Variants in TEX11 observed in about 807,000 individuals in gnomAD.
TEX11 encodes testis expressed 11.
In TEX11, 7 loss-of-function variants were observed where a neutral mutation model predicts 84.4. The ratio of observed to expected loss-of-function variants is 0.08; its 90% CI spans 0.05 to 0.16. The LOEUF is 0.16. TEX11 is among the 10% of genes least tolerant of loss of function. TEX11 has a pLI of 1.00. For missense variants in TEX11, 551 were observed against 660.5 expected (o/e 0.83, Z 1.82); for synonymous variants, 264 against 222.8 (o/e 1.18, Z -1.64).
rs769618372 is a variant in TEX11, at chrX:70,694,554, G to A, written c.1005-11729C>T. Among the ~76,000 whole-genome samples, 11 of 111,915 alleles carry A rather than the reference G, an allele frequency of 9.8e-5. No individual in the cohort carries two copies. The Admixed American group carries it at 1.0e-3, about 11-fold the overall frequency. ...ATTTAAAAGGCTGACTATACCAAAT[G>A]TGGGTCAGGATGTGGAGAAACTGAA... On this transcript the variant is annotated intron_variant, in intron 13 of 29. Coordinates refer to ENST00000374333, the MANE Select transcript of TEX11 (RefSeq NM_031276.3).
At chrX:70,664,501 G>A (rs1348991558) in intron 16 of TEX11, among the ~76,000 whole-genome samples, 2 of 111,162 alleles carry the variant, frequency 1.8e-5, no homozygotes, top group Non-Finnish European at 1.9e-5. Context: ...ATTCACAAAC[G>A]TCCTCATCTA....
chrX:70,730,917 A>G (rs770051729), intron 11 of TEX11, among the ~76,000 whole-genome samples: 1 of 112,097 alleles, frequency 8.9e-6, no homozygotes, highest in South Asian at 3.7e-4. Context: ...AGCACTCCTC[A>G]GCAAATGTAA....
chrX:70,843,368 T>C (rs778289240), intron 7 of TEX11, among the ~76,000 whole-genome samples: 1 of 111,927 alleles, frequency 8.9e-6, no homozygotes, highest in African/African-American at 3.3e-5. Flanking sequence ...AAGGATTCCC[T>C]ATTTAATAAA....
chrX:70,800,933 A>G (rs2091184034), intron 9 of TEX11, among the ~76,000 whole-genome samples: 1 of 111,419 alleles, frequency 9.0e-6, no homozygotes, highest in Admixed American at 9.6e-5. Context: ...CTTTCTAAGC[A>G]GCAAATACAA....
At chrX:70,661,442 T>G (rs1344271504) in intron 16 of TEX11, among the ~76,000 whole-genome samples, 1 of 112,481 alleles carries the variant, frequency 8.9e-6, no homozygotes, top group African/African-American at 3.2e-5. Context: ...AGACTCCACC[T>G]CTGGGGGCAG....
At chrX:70,868,354 G>A (rs2091610368) in intron 4 of TEX11, among the ~76,000 whole-genome samples, 1 of 111,811 alleles carries the variant, frequency 8.9e-6, no homozygotes, top group African/African-American at 3.2e-5. Context: ...TTAGAATGCT[G>A]ATCATTAAAA....
chrX:70,630,651 A>C (rs1282479687), intron 17 of TEX11, among the ~76,000 whole-genome samples: 3 of 112,227 alleles, frequency 2.7e-5, no homozygotes, highest in African/African-American at 9.7e-5. Context: ...TAAGATGCTA[A>C]ATTTAAATCT....
chrX:70,583,550 G>A (rs763150286), intron 25 of TEX11, among the ~76,000 whole-genome samples: 17 of 112,123 alleles, frequency 1.5e-4, no homozygotes, highest in Admixed American at 7.6e-4. Context: ...CATTGCAACT[G>A]TGAATAGTGC....
At chrX:70,632,743 A>G (rs1222922532) in intron 17 of TEX11, among the ~76,000 whole-genome samples, 1 of 111,605 alleles carries the variant, frequency 9.0e-6, no homozygotes, top group Non-Finnish European at 1.9e-5. Flanking sequence ...AATATCAGAA[A>G]TAAGAAAGGT....
chrX:70,649,881 A>G (rs752894228), intron 17 of TEX11, among the ~76,000 whole-genome samples: 3 of 112,399 alleles, frequency 2.7e-5, no homozygotes, highest in Admixed American at 9.4e-5. Context: ...GAGGTGAAAA[A>G]AAACCCTGAA....
intron 2 of TEX11, among the ~76,000 whole-genome samples, chrX:70,882,632 T>C (rs1193653428): frequency 9.0e-6 from 1 of 110,573 alleles, no homozygotes; most frequent in Non-Finnish European, 1.9e-5. Flanking sequence ...AACTTAAAAA[T>C]TATCTGGGTG....
At chrX:70,683,897 G>A (rs1395918863) in intron 13 of TEX11, among the ~76,000 whole-genome samples, 3 of 110,580 alleles carry the variant, frequency 2.7e-5, no homozygotes, top group Non-Finnish European at 5.6e-5. Context: ...AATTATTTGT[G>A]ACAAAGGTGC....
chrX:70,860,812 CA>C, intron 5 of TEX11, 44 bp downstream of exon 5: 1 of 948,561 alleles, frequency 1.1e-6, no homozygotes, highest in Non-Finnish European at 1.5e-6. Flanking sequence ...ATAGAAGTAA[CA>C]ACCATCTCAT....
At chrX:70,695,218 C>T (rs1468474389) in intron 13 of TEX11, among the ~76,000 whole-genome samples, 1 of 111,935 alleles carries the variant, frequency 8.9e-6, no homozygotes, top group Admixed American at 9.5e-5. Context: ...AAACTGAAAA[C>T]AATCAAAATG....
intron 7 of TEX11, among the ~76,000 whole-genome samples, chrX:70,841,678 T>G (rs1324535208): frequency 4.5e-5 from 5 of 111,252 alleles, no homozygotes; most frequent in Non-Finnish European, 9.5e-5. Flanking sequence ...TTCAAAAAAT[T>G]AATGAATCCA....
intron 2 of TEX11, among the ~76,000 whole-genome samples, chrX:70,889,953 G>A (rs900947030): frequency 2.7e-5 from 3 of 111,445 alleles, no homozygotes; most frequent in East Asian, 5.6e-4. Flanking sequence ...AACATTTAAT[G>A]TAAATGGATT....
chrX:70,860,529 A>T (rs2091563125), intron 5 of TEX11, among the ~76,000 whole-genome samples: 1 of 111,139 alleles, frequency 9.0e-6, no homozygotes, highest in Non-Finnish European at 1.9e-5. Flanking sequence ...CATTTGAAAA[A>T]CTCATTTAGA....
chrX:70,638,156 G>A (rs904605387), intron 17 of TEX11, among the ~76,000 whole-genome samples: 1 of 110,876 alleles, frequency 9.0e-6, no homozygotes, highest in Admixed American at 9.6e-5. Context: ...TCTCCAATAA[G>A]ATACAATCCA....
At position 70,661,735 on chromosome X, in the gene TEX11, C is replaced by T. The variant is rs763659096; in HGVS notation, c.1380+8642G>A. On this transcript the variant is annotated intron_variant, in intron 16 of 29. Transcript: ENST00000374333. ...CTGATATCCACTGTTCTGCAGCCTC[C>T]GCTCTGATACCCAGGCAAACAGGGT... is the stretch of plus-strand genomic sequence containing the variant. Among the ~76,000 whole-genome samples, 7 of 111,646 alleles carry T rather than the reference C, an allele frequency of 6.3e-5. No individual in the cohort carries two copies. The South Asian group carries it at 1.5e-3, about 24-fold the overall frequency.
Sources: allele counts gnomAD v4.1 joint callset (sites outside exome capture counted in the v4.1 genomes callset), GRCh38; gene constraint gnomAD v4.1.1; transcripts MANE v1.5; gene names NCBI Gene and HGNC (gene_info 2026-07-23, HGNC 2026-07-21).